The following CACNA1B variants were observed in gnomAD, a reference collection of about 807,000 sequenced individuals.
CACNA1B encodes voltage-dependent N-type calcium channel subunit alpha-1B.
Under a neutral mutation model 247.2 loss-of-function variants are expected in CACNA1B, and 70 were observed. The observed-to-expected ratio is 0.28, with a 90% confidence interval of 0.23 to 0.35. The LOEUF (loss-of-function observed/expected upper bound fraction) is 0.35. CACNA1B is among the 10% of genes least tolerant of loss of function. The pLI is 1.00. For missense variants in CACNA1B, 2,367 were observed against 3,197.4 expected (o/e 0.74, Z 6.26); for synonymous variants, 1,231 against 1,294.4 (o/e 0.95, Z 1.05).
At position 138,081,734 on chromosome 9, in the gene CACNA1B, A is replaced by G. The variant is rs192247743; in HGVS notation, c.5094+3476A>G. Among the ~76,000 whole-genome samples, 125 of 151,352 alleles carry G rather than the reference A, an allele frequency of 8.3e-4. 3 individuals carry two copies. The highest frequency in any genetic ancestry group is 1.5e-3 in the Non-Finnish European group (101 of 68,006). On this transcript the variant is annotated intron_variant, in intron 36 of 46. Coordinates refer to ENST00000371372, the MANE Select transcript of CACNA1B (RefSeq NM_000718.4). ...GAAGAAATGGAGGTCTAGAGATGTT[A>G]AATATCTTAGCCTGAGTTTAGAACC...
At chr9:138,117,858 G>A (rs1237871741) in intron 42 of CACNA1B, 88 bp from the exon 43 acceptor site, 15 of 1,046,860 alleles carry the variant, frequency 1.4e-5, no homozygotes, top group Non-Finnish European at 1.8e-5. Context: ...ATGTGTTGGA[G>A]ACGCCTGGCA....
rs992290178 is a variant in CACNA1B, at chr9:138,057,229, G to T, written c.3969-503G>T. 1.3e-5 allele frequency among the ~76,000 whole-genome samples: 2 copies of T among 152,098 alleles called. No homozygotes were observed. The highest frequency in any genetic ancestry group is 4.8e-5 in the African/African-American group (2 of 41,424). ...TGGGATTACAGGCGTGAGCCACCGC[G>T]CCCGGCCTTTTTTATTTATTAGAAT... On this transcript the variant is annotated intron_variant, in intron 26 of 46. Transcript: ENST00000371372. This position sits in a 1 kb window ranked among gnomAD's most constrained non-coding sequence, Gnocchi z 4.0.
chr9:138,001,059 AT>A (rs1285794806), intron 15 of CACNA1B, among the ~76,000 whole-genome samples: 3 of 152,198 alleles, frequency 2.0e-5, no homozygotes, highest in Non-Finnish European at 2.9e-5. Context: ...CTATTAAAAA[AT>A]CAAATCAGCT....
chr9:137,996,140 A>C (rs947678993), intron 15 of CACNA1B, among the ~76,000 whole-genome samples: 1 of 152,248 alleles, frequency 6.6e-6, no homozygotes, highest in East Asian at 1.9e-4. Flanking sequence ...CCATTTGATC[A>C]GCAATCCCAC....
chr9:137,985,805 C>T (rs1166000387), intron 13 of CACNA1B, among the ~76,000 whole-genome samples: 2 of 152,186 alleles, frequency 1.3e-5, no homozygotes, highest in Admixed American at 6.5e-5. Context: ...CGTGCATGAG[C>T]AGGGCACGGT....
chr9:137,905,229 T>A (rs1957285112), intron 3 of CACNA1B, among the ~76,000 whole-genome samples: 1 of 152,006 alleles, frequency 6.6e-6, no homozygotes, highest in Non-Finnish European at 1.5e-5. Flanking sequence ...GGCACGTGCC[T>A]GTAGTCCCAG....
At position 138,025,103 on chromosome 9, in the gene CACNA1B, G is replaced by T. The variant is rs1441288898; in HGVS notation, c.3217G>T (p.Asp1073Tyr). 6.2e-7 allele frequency: 1 copy of T among 1,613,594 alleles called. No homozygotes were observed. Among genetic ancestry groups the T allele is most frequent in the South Asian group, 1.1e-5 (1 of 90,906 alleles). ...NVTRMGSQPP[D>Y]PNTIVHIPVM... ...CACTCGCATGGGCAGTCAGCCCCCAGACCCGAACACTATTGTACATATCCC... is the reference window on the plus strand; with the variant it reads ...CACTCGCATGGGCAGTCAGCCCCCATACCCGAACACTATTGTACATATCCC... The change falls in exon 20 of 47, where the codon GAC (aspartate) becomes TAC (tyrosine). Residue 1073 changes from aspartate to tyrosine, a missense_variant. Transcript: ENST00000371372.
Position 138,122,226 on chromosome 9 carries a change from T to C in CACNA1B, c.*227T>C, listed in dbSNP as rs1962128265. ...CCCCTTCCTGTCCTGCCTTCCTGGGTCTCGTACCACACACCAGACCCTAAA... is the reference window on the plus strand; with the variant it reads ...CCCCTTCCTGTCCTGCCTTCCTGGGCCTCGTACCACACACCAGACCCTAAA... On this transcript the variant is annotated 3_prime_UTR_variant, in exon 47 of 47. Coordinates refer to ENST00000371372, the MANE Select transcript of CACNA1B (RefSeq NM_000718.4). The C allele has an allele frequency of 3.4e-6, 2 of 584,058 alleles. No homozygotes were observed. Among genetic ancestry groups the C allele is most frequent in the South Asian group, 4.2e-5 (2 of 47,732 alleles). The allele number at this position is 584,058 out of a possible 1,614,324, so 36.2% of individuals were successfully genotyped here.
chr9:138,058,107 C>T lies in CACNA1B; in HGVS notation c.4165C>T (p.Arg1389Cys), dbSNP rs746621071. ...YEEQGPSPGY[R>C]MELSIFYVVY... ...GGAGCAGGGTCCAAGCCCTGGGTAC[C>T]GCATGGAGCTGTCCATCTTCTACGT... is the stretch of plus-strand genomic sequence containing the variant. The change falls in exon 28 of 47, where the codon CGC becomes TGC. Residue 1389 changes from arginine (R) to cysteine (C), a missense_variant. Arg to Cys is a radical substitution (Grantham distance 180). Coordinates refer to ENST00000371372, the MANE Select transcript of CACNA1B (RefSeq NM_000718.4). The surrounding 1 kb of genome is among the most constrained non-coding windows in gnomAD (Gnocchi z 4.7). 1.2e-6 allele frequency: 2 copies of T among 1,613,800 alleles called. No homozygotes were observed. Among genetic ancestry groups the T allele is most frequent in the Non-Finnish European group, 1.7e-6 (2 of 1,179,672 alleles).
chr9:137,883,811 G>T (rs1438277463), intron 3 of CACNA1B, among the ~76,000 whole-genome samples: 1 of 152,050 alleles, frequency 6.6e-6, no homozygotes, highest in Non-Finnish European at 1.5e-5. Context: ...GATGGAAGAG[G>T]AGGGAGCAGG....
At chr9:137,928,080 A>G (rs1354590817) in intron 6 of CACNA1B, among the ~76,000 whole-genome samples, 2 of 152,108 alleles carry the variant, frequency 1.3e-5, no homozygotes, top group East Asian at 3.9e-4. Context: ...AGGGATTTTG[A>G]TCTGTAATTT....
chr9:137,912,623 T>G (rs968770772), intron 3 of CACNA1B, among the ~76,000 whole-genome samples: 5 of 152,188 alleles, frequency 3.3e-5, no homozygotes, highest in African/African-American at 4.8e-5. Flanking sequence ...ATATGTTTTT[T>G]TGCTAATAGA....
chr9:137,970,348 G>A (rs1958131904), intron 10 of CACNA1B, among the ~76,000 whole-genome samples: 1 of 152,172 alleles, frequency 6.6e-6, no homozygotes. Flanking sequence ...ACAGGCAGAT[G>A]TGCTCTCCTG....
Position 137,955,959 on chromosome 9 carries a change from T to C in CACNA1B, c.1186+146T>C. The stretch of plus-strand genomic sequence containing the variant: ...AGTGAGCAGAGTGAGAAGGGATTTC[T>C]CTCTAGCTCACCCAGGGGCCTGGCA... On this transcript the variant is annotated intron_variant, in intron 8 of 46. Transcript: ENST00000371372. The surrounding 1 kb of genome is among the most constrained non-coding windows in gnomAD (Gnocchi z 6.9). 1 of 664,222 alleles carries C rather than the reference T, an allele frequency of 1.5e-6. No homozygotes were observed. The highest frequency in any genetic ancestry group is 2.7e-6 in the Non-Finnish European group (1 of 373,890). The allele number at this position is 664,222 out of a possible 1,614,324, so 41.1% of individuals were successfully genotyped here. A position where few individuals can be genotyped will look rare whatever the true frequency, so the allele number is the denominator to read the frequency against.
intron 23 of CACNA1B, among the ~76,000 whole-genome samples, chr9:138,048,455 C>A (rs1959202109): frequency 6.6e-6 from 1 of 152,196 alleles, no homozygotes; most frequent in Non-Finnish European, 1.5e-5. Context: ...AGGATCTCAG[C>A]CGGTCACAAG....
At chr9:137,879,641 A>G (rs373521723) in intron 2 of CACNA1B, among the ~76,000 whole-genome samples, 18 of 152,316 alleles carry the variant, frequency 1.2e-4, no homozygotes, top group African/African-American at 4.1e-4. Context: ...GGGCCTCACC[A>G]TCCTGTGGGA....
At chr9:137,940,746 T>G (rs1335233690) in intron 6 of CACNA1B, among the ~76,000 whole-genome samples, 2 of 152,130 alleles carry the variant, frequency 1.3e-5, no homozygotes, top group African/African-American at 4.8e-5. Context: ...ATACCAGGGA[T>G]CAGGGATGGT....
chr9:137,887,231 G>A (rs1957028486), intron 3 of CACNA1B, among the ~76,000 whole-genome samples: 1 of 148,974 alleles, frequency 6.7e-6, no homozygotes, highest in African/African-American at 2.5e-5. Flanking sequence ...GCAGGAGCTG[G>A]TCCAGCCATG....
rs981442911 is a variant in CACNA1B at position 137,881,662 on chromosome 9, C to A, written c.391-1082C>A. On this transcript the variant is annotated intron_variant, in intron 2 of 46. Coordinates refer to ENST00000371372, the MANE Select transcript of CACNA1B (RefSeq NM_000718.4). The surrounding 1 kb of genome is among the most constrained non-coding windows in gnomAD (Gnocchi z 4.3). ...CCCTCAGCCCAGCTTCCCGGGCTTG[C>A]CTTGCACAGGGCCTTTCCCTGCCAG... Among the ~76,000 whole-genome samples the A allele has an allele frequency of 1.3e-5, 2 of 152,196 alleles. No homozygotes were observed. The highest frequency in any genetic ancestry group is 2.9e-5 in the Non-Finnish European group (2 of 68,020).
Sources: allele counts gnomAD v4.1 joint callset (sites outside exome capture counted in the v4.1 genomes callset), GRCh38; gene constraint gnomAD v4.1.1; non-coding constraint Gnocchi (gnomAD v3.1); transcripts MANE v1.5; gene names NCBI Gene and HGNC (gene_info 2026-07-23, HGNC 2026-07-21).